PRELID2: variants seen among roughly 807,000 people sequenced by gnomAD.
PRELID2 encodes PRELI domain-containing protein 2.
In PRELID2, 25 loss-of-function variants were observed where a neutral mutation model predicts 28.4. The observed-to-expected ratio is 0.88, with a 90% CI of 0.64 to 1.23. The LOEUF is 1.23. Among genes scored for constraint, PRELID2 ranks in the 50% most tolerant of loss-of-function variants. The pLI is 0.00. For synonymous variants in PRELID2, 76 were observed against 71.6 expected (o/e 1.06, Z -0.31); for missense variants, 201 against 214.4 (o/e 0.94, Z 0.39).
intron 1 of PRELID2, among the ~76,000 whole-genome samples, chr5:145,570,016 C>T (rs1753003272): frequency 6.6e-6 from 1 of 152,110 alleles, no homozygotes; most frequent in Non-Finnish European, 1.5e-5. Context: ...CAGAGGGCTG[C>T]GAGGGCTATC....
chr5:145,678,906 G>C (rs545634158), intron 1 of PRELID2, among the ~76,000 whole-genome samples: 80 of 152,224 alleles, frequency 5.3e-4, no homozygotes, highest in African/African-American at 1.8e-3. Flanking sequence ...TGAATTTTCA[G>C]GCATAACTCT....
chr5:145,709,425 G>T (rs1417487537), intron 1 of PRELID2, among the ~76,000 whole-genome samples: 2 of 152,170 alleles, frequency 1.3e-5, no homozygotes, highest in Non-Finnish European at 2.9e-5. Context: ...AGCAGGAGCA[G>T]GGGGAGCTTC....
Position 145,829,638 on chromosome 5 carries a change from G to A in PRELID2, c.75+5539C>T, listed in dbSNP as rs115185768. ...TGTCCAAGCTCACAGGGCTAACAGC[G>A]CTCCATCCCTGTCTTCCCCACCCCA... On this transcript the variant is annotated intron_variant, in intron 1 of 6. Transcript: ENST00000683046. 7.2e-3 allele frequency among the ~76,000 whole-genome samples: 1,103 copies of A among 152,148 alleles called. 8 individuals are homozygous for A. Among genetic ancestry groups the A allele is most frequent in the Admixed American group, 0.013 (193 of 15,284 alleles).
the PRELID2 span, among the ~76,000 whole-genome samples, chr5:145,378,847 A>G: frequency 1.3e-5 from 2 of 152,208 alleles, no homozygotes; most frequent in African/African-American, 4.8e-5. Context: ...AGTTATTTGA[A>G]GAAAAGAAGA....
At chr5:145,692,309 G>T (rs1426775583) in intron 1 of PRELID2, among the ~76,000 whole-genome samples, 2 of 152,088 alleles carry the variant, frequency 1.3e-5, no homozygotes, top group Non-Finnish European at 2.9e-5. Flanking sequence ...GGACAGGAAA[G>T]GTTTATATGT....
chr5:145,713,607 AATAT>A (rs1158226003), intron 1 of PRELID2, among the ~76,000 whole-genome samples: 1 of 132,578 alleles, frequency 7.5e-6, no homozygotes. Context: ...ATATACATAA[AATAT>A]ATATAGTAAA....
At chr5:145,250,708 C>T in the PRELID2 span, among the ~76,000 whole-genome samples, 144 of 152,178 alleles carry the variant, frequency 9.5e-4, no homozygotes, top group East Asian at 0.026. Context: ...TAGGTAATGA[C>T]ATTGGGATAT....
chr5:145,435,403 T>C, the PRELID2 span, among the ~76,000 whole-genome samples: 74 of 152,044 alleles, frequency 4.9e-4, no homozygotes, highest in African/African-American at 1.6e-3. Flanking sequence ...GCAAGTTTGA[T>C]GTCTTGAGGA....
Position 145,818,016 on chromosome 5 carries a change from C to G in PRELID2, c.246G>C (p.Glu82Asp), listed in dbSNP as rs1754493654. The G allele has an allele frequency of 1.2e-6, 2 of 1,612,798 alleles. No homozygotes were observed. Among genetic ancestry groups the G allele is most frequent in the African/African-American group, 1.3e-5 (1 of 74,854 alleles). Residue 82 changes from glutamate to aspartate, a missense_variant, in exon 4 of 7, where the codon GAG becomes GAC. Glu to Asp is a conservative substitution (Grantham distance 45). Transcript: ENST00000683046. The stretch of plus-strand genomic sequence containing the variant: ...TTTCCCGAGGATTGAGCCATGACTC[C>G]TCTTCTAATTGGATATTAGGTACTT... ...ILKVPNIQLE[E>D]ESWLNPRERN...
the PRELID2 span, among the ~76,000 whole-genome samples, chr5:145,237,984 G>C: frequency 3.4e-4 from 52 of 152,110 alleles, no homozygotes; most frequent in African/African-American, 1.2e-3. Flanking sequence ...GCTTACTCGA[G>C]GTTAGGCTGG....
intron 1 of PRELID2, among the ~76,000 whole-genome samples, chr5:145,584,889 G>T (rs1467539770): frequency 6.6e-6 from 1 of 152,116 alleles, no homozygotes; most frequent in African/African-American, 2.4e-5. Context: ...ACTCTTCAAA[G>T]ATCTAGAGAC....
chr5:145,529,717 CA>C (rs746978425), intron 1 of PRELID2, among the ~76,000 whole-genome samples: 5 of 149,860 alleles, frequency 3.3e-5, no homozygotes, highest in South Asian at 2.2e-4. Flanking sequence ...ACACAAACAA[CA>C]AAAAAAAGCA....
rs181910422 is a variant in PRELID2 at position 145,641,748 on chromosome 5, G to A, written n.70+123183C>T. 2.4e-3 allele frequency among the ~76,000 whole-genome samples: 361 copies of A among 152,330 alleles called. 1 individual carries two copies. The highest frequency in any genetic ancestry group is 8.3e-3 in the African/African-American group (347 of 41,578). ...TTCTCATTGTTCAACTCCCACTTATGAGTGAGAACATGTGGTGTTTGGTTT... is the reference window on the plus strand; with the variant it reads ...TTCTCATTGTTCAACTCCCACTTATAAGTGAGAACATGTGGTGTTTGGTTT... On this transcript the variant is annotated intron_variant and non_coding_transcript_variant, in intron 1 of 2. Coordinates refer to the PRELID2 transcript ENST00000510259.
At chr5:145,606,374 T>C (rs2149641645) in intron 1 of PRELID2, among the ~76,000 whole-genome samples, 1 of 152,210 alleles carries the variant, frequency 6.6e-6, no homozygotes, top group East Asian at 1.9e-4. Flanking sequence ...TTCCAGCTTT[T>C]ACCCATTCAG....
At chr5:145,244,414 C>T in the PRELID2 span, among the ~76,000 whole-genome samples, 1 of 151,996 alleles carries the variant, frequency 6.6e-6, no homozygotes, top group Admixed American at 6.6e-5. Context: ...GCAGGTGCTC[C>T]TCGAACATCT....
chr5:145,578,864 T>C (rs1529709), intron 1 of PRELID2, among the ~76,000 whole-genome samples: 10,851 of 152,136 alleles, frequency 0.071, 576 homozygotes, highest in Admixed American at 0.18. Flanking sequence ...ATTTTATAAA[T>C]GAGTAAACAG....
intron 1 of PRELID2, among the ~76,000 whole-genome samples, chr5:145,564,891 G>C (rs1340704408): frequency 6.6e-6 from 1 of 152,166 alleles, no homozygotes. Flanking sequence ...CCCTTGGCTA[G>C]AGGAGGGAGT....
chr5:145,337,695 A>G, the PRELID2 span, among the ~76,000 whole-genome samples: 1 of 18,738 alleles, frequency 5.3e-5, no homozygotes, highest in Admixed American at 7.6e-4. Context: ...AAATATATAT[A>G]TATATATATA....
chr5:145,685,353 C>T (rs1190821128), intron 1 of PRELID2, among the ~76,000 whole-genome samples: 4 of 152,172 alleles, frequency 2.6e-5, no homozygotes, highest in East Asian at 1.9e-4. Context: ...TGATGTAATA[C>T]GCCATGTTCT....
Sources: allele counts gnomAD v4.1 joint callset (sites outside exome capture counted in the v4.1 genomes callset), GRCh38; gene constraint gnomAD v4.1.1; transcripts MANE v1.5; gene names NCBI Gene and HGNC (gene_info 2026-07-23, HGNC 2026-07-21).